Variants in PMEPA1 observed in about 807,000 individuals in gnomAD.
The protein encoded by PMEPA1 is protein TMEPAI.
Under a neutral mutation model 23.0 loss-of-function variants are expected in PMEPA1, and 11 were observed. The ratio of observed to expected loss-of-function variants is 0.48; its 90% CI spans 0.30 to 0.79. The LOEUF (loss-of-function observed/expected upper bound fraction) is 0.79. PMEPA1 is among the 30% of genes least tolerant of loss of function. The probability of loss-of-function intolerance (pLI) is 0.06; values close to 1 mark genes in which losing one functional copy is unlikely to be tolerated. For synonymous variants in PMEPA1, 204 were observed against 166.4 expected, an observed-to-expected ratio of 1.23 and a Z score of -1.74; for missense variants, 377 against 390.9, an observed-to-expected ratio of 0.96 and a Z score of 0.30.
intron 1 of PMEPA1, among the ~76,000 whole-genome samples, chr20:57,671,274 G>C (rs763826208): frequency 6.6e-6 from 1 of 152,204 alleles, no homozygotes; most frequent in Non-Finnish European, 1.5e-5. Context: ...GGACATGTCG[G>C]AGGTGCATAA....
rs11467205 is a variant in PMEPA1 at position 57,683,554 on chromosome 20, CGT to C, written c.110-23859_110-23858del. ...CGGTGGTGGTGTTCTGGCCTGTGTG[CGT>C]GTGTGTGTGTGTGTGTGTGTGTGTG... is the stretch of plus-strand genomic sequence containing the variant. On this transcript the variant is annotated intron_variant, in intron 1 of 3. Coordinates refer to ENST00000341744, the MANE Select transcript of PMEPA1 (RefSeq NM_020182.5). This position sits in a 1 kb window ranked among gnomAD's most constrained non-coding sequence, Gnocchi z 4.3. 0.013 allele frequency among the ~76,000 whole-genome samples: 1,413 copies of C among 106,264 alleles called. 8 individuals carry two copies. The highest frequency in any genetic ancestry group is 0.029 in the Middle Eastern group (6 of 204). The allele number at this position is 106,264 out of a possible 152,430, so 69.7% of individuals were successfully genotyped here.
chr20:57,703,273 C>T (rs189948459), intron 1 of PMEPA1, among the ~76,000 whole-genome samples: 303 of 152,334 alleles, frequency 2.0e-3, no homozygotes, highest in Non-Finnish European at 3.2e-3. Context: ...GACATCAGGG[C>T]CTTTCTTTTA....
chr20:57,700,744 G>A (rs1244206763), intron 1 of PMEPA1, among the ~76,000 whole-genome samples: 2 of 152,138 alleles, frequency 1.3e-5, no homozygotes, highest in Non-Finnish European at 2.9e-5. Flanking sequence ...CATCAAAAAA[G>A]GAGCCGGGCA....
intron 1 of PMEPA1, among the ~76,000 whole-genome samples, chr20:57,685,361 T>A (rs2071787077): frequency 6.6e-6 from 1 of 152,192 alleles, no homozygotes; most frequent in Non-Finnish European, 1.5e-5. Context: ...CCGCTTTAAA[T>A]AAGCCGGTAA....
rs149768434 is a variant in PMEPA1, at chr20:57,652,420, G to C, written c.497C>G (p.Thr166Ser). The C allele has an allele frequency of 3.7e-6, 6 of 1,613,824 alleles. No homozygotes were observed. The highest frequency in any genetic ancestry group is 5.1e-6 in the Non-Finnish European group (6 of 1,179,900). Residue 166 changes from threonine to serine, a missense_variant, in exon 4 of 4, where the codon ACC (threonine) becomes AGC (serine). Transcript: ENST00000341744. This position sits in a 1 kb window ranked among gnomAD's most constrained non-coding sequence, Gnocchi z 6.1. ...CTGCTCGGGGTCCCGAAGCTGGAGG[G>C]TGCAGGGGCCCTGGTAGGGTGGGGG... ...EEPPPYQGPC[T>S]LQLRDPEQQL...
rs1359142793 is a variant in PMEPA1, at chr20:57,656,748, G to A, written c.264+2795C>T. Among the ~76,000 whole-genome samples the A allele has an allele frequency of 2.6e-5, 4 of 152,188 alleles. No individual in the cohort carries two copies. The highest frequency in any genetic ancestry group is 4.4e-5 in the Non-Finnish European group (3 of 68,030). On this transcript the variant is annotated intron_variant, in intron 2 of 3. Transcript: ENST00000341744. The surrounding 1 kb of genome is among the most constrained non-coding windows in gnomAD (Gnocchi z 4.7). ...ATGGTGAGGCAGGTGGGTGAGGCACGAGCTCTTGTCTCCATACAGGCAAGA... is the reference window on the plus strand; with the variant it reads ...ATGGTGAGGCAGGTGGGTGAGGCACAAGCTCTTGTCTCCATACAGGCAAGA...
At chr20:57,708,456 G>A (rs954449996) in intron 1 of PMEPA1, among the ~76,000 whole-genome samples, 3 of 152,232 alleles carry the variant, frequency 2.0e-5, no homozygotes, top group Non-Finnish European at 2.9e-5. Context: ...GTGTGCAGGA[G>A]GTAGAGACTT....
At chr20:57,689,668 A>G (rs1236287413) in intron 1 of PMEPA1, among the ~76,000 whole-genome samples, 1 of 152,210 alleles carries the variant, frequency 6.6e-6, no homozygotes, top group African/African-American at 2.4e-5. Flanking sequence ...TCAGCTTAGA[A>G]GCTTCAAGTA....
intron 1 of PMEPA1, among the ~76,000 whole-genome samples, chr20:57,662,584 G>A (rs751350686): frequency 7.0e-4 from 106 of 152,348 alleles, no homozygotes; most frequent in Admixed American, 2.8e-3. Context: ...TGTCTCCCCA[G>A]ACAGGCAGGT....
chr20:57,690,314 ACCCCCACCACTGCCACCCG>A, intron 1 of PMEPA1: 1 of 612,966 alleles, frequency 1.6e-6, no homozygotes, highest in Non-Finnish European at 2.8e-6. Context: ...GCCTGCACCC[ACCCCCACCACTGCCACCCG>A]CCCTGCATCA....
chr20:57,709,610 G>C lies in PMEPA1; in HGVS notation c.-28C>G. The C allele has an allele frequency of 1.0e-6, 1 of 990,166 alleles. No individual in the cohort carries two copies. The highest frequency in any genetic ancestry group is 1.2e-6 in the Non-Finnish European group (1 of 825,358). 61.3% of individuals were successfully genotyped at this position (990,166 alleles called of 1,614,324 possible). A position where few individuals can be genotyped will look rare whatever the true frequency, so the allele number is the denominator to read the frequency against. ...ACGGCGCGGCGGCGCGGCGCGGGGC[G>C]CGGGGGGCTCGGGGGCGGCCGGGGG... is the stretch of plus-strand genomic sequence containing the variant. On this transcript the variant is annotated 5_prime_UTR_variant, in exon 1 of 4. Coordinates refer to ENST00000341744, the MANE Select transcript of PMEPA1 (RefSeq NM_020182.5).
intron 1 of PMEPA1, among the ~76,000 whole-genome samples, chr20:57,694,570 T>A (rs1317516844): frequency 6.6e-6 from 1 of 152,196 alleles, no homozygotes; most frequent in African/African-American, 2.4e-5. Flanking sequence ...AGGACACAGA[T>A]GGGTGCAGTG....
chr20:57,674,264 C>G (rs6025716), intron 1 of PMEPA1, among the ~76,000 whole-genome samples: 1 of 152,172 alleles, frequency 6.6e-6, no homozygotes, highest in Non-Finnish European at 1.5e-5. Flanking sequence ...CTCATTCTCT[C>G]CCCCCTCCTT....
chr20:57,684,608 C>A (rs898825881), intron 1 of PMEPA1, among the ~76,000 whole-genome samples: 3 of 152,188 alleles, frequency 2.0e-5, no homozygotes, highest in Admixed American at 6.5e-5. Context: ...AGACCCTCCA[C>A]CCCCATAGCT....
At chr20:57,672,871 A>G (rs1407630848) in intron 1 of PMEPA1, among the ~76,000 whole-genome samples, 1 of 152,228 alleles carries the variant, frequency 6.6e-6, no homozygotes, top group Non-Finnish European at 1.5e-5. Flanking sequence ...ACAGGGCATC[A>G]GGAAGTGATT....
At chr20:57,674,948 C>CT (rs1433130932) in intron 1 of PMEPA1, among the ~76,000 whole-genome samples, 2 of 152,218 alleles carry the variant, frequency 1.3e-5, no homozygotes, top group African/African-American at 4.8e-5. Context: ...CGAGGAATAG[C>CT]TTGGAATCTT....
chr20:57,691,094 T>G (rs1478828401), intron 1 of PMEPA1, among the ~76,000 whole-genome samples: 1 of 152,182 alleles, frequency 6.6e-6, no homozygotes, highest in Non-Finnish European at 1.5e-5. Context: ...CTGGCCGATT[T>G]CCAGTCTGCC....
rs2071752507 is a variant in PMEPA1, at chr20:57,683,554, C to CGTGCGT, written c.110-23858_110-23857insACGCAC. 1.0e-4 allele frequency among the ~76,000 whole-genome samples: 11 copies of CGTGCGT among 106,426 alleles called. No homozygotes were observed. Among genetic ancestry groups the CGTGCGT allele is most frequent in the African/African-American group, 2.9e-4 (11 of 38,248 alleles). 69.8% of individuals were successfully genotyped at this position (106,426 alleles called of 152,430 possible). A position where few individuals can be genotyped will look rare whatever the true frequency, so the allele number is the denominator to read the frequency against. On this transcript the variant is annotated intron_variant, in intron 1 of 3. Transcript: ENST00000341744. This position sits in a 1 kb window ranked among gnomAD's most constrained non-coding sequence, Gnocchi z 4.3. ...CGGTGGTGGTGTTCTGGCCTGTGTG[C>CGTGCGT]GTGTGTGTGTGTGTGTGTGTGTGTG...
At chr20:57,658,740 GTCCTGT>G (rs2071362668) in intron 2 of PMEPA1, among the ~76,000 whole-genome samples, 1 of 152,178 alleles carries the variant, frequency 6.6e-6, no homozygotes, top group Admixed American at 6.5e-5. Flanking sequence ...GGGACCTGGT[GTCCTGT>G]TGCCTCTATG....
Sources: allele counts gnomAD v4.1 joint callset (sites outside exome capture counted in the v4.1 genomes callset), GRCh38; gene constraint gnomAD v4.1.1; non-coding constraint Gnocchi (gnomAD v3.1); transcripts MANE v1.5; gene names NCBI Gene and HGNC (gene_info 2026-07-23, HGNC 2026-07-21).